Variants in PCNX2 observed in about 807,000 individuals in gnomAD.
The protein encoded by PCNX2 is pecanex-like protein 2.
Under a neutral mutation model 223.8 loss-of-function variants are expected in PCNX2, and 168 were observed. That is an observed-to-expected ratio of 0.75 (90% CI 0.66 to 0.85). The LOEUF (loss-of-function observed/expected upper bound fraction) is 0.85, where lower values mean the gene tolerates loss of function less well. PCNX2 is among the 40% of genes least tolerant of loss of function. PCNX2 has a pLI of 0.00. For missense variants in PCNX2, 2,507 were observed against 2,675.5 expected (o/e 0.94, Z 1.39); for synonymous variants, 1,006 against 1,052.6 (o/e 0.96, Z 0.86).
At chr1:233,236,710 G>C (rs41307738) in intron 9 of PCNX2, 135 bp downstream of exon 9, 4 of 1,272,200 alleles carry the variant, frequency 3.1e-6, no homozygotes, top group Non-Finnish European at 4.4e-6. Context: ...GCCTTGCAGT[G>C]ATATATCAAC....
chr1:233,320,478 T>C, the PCNX2 span, among the ~76,000 whole-genome samples: 3 of 152,176 alleles, frequency 2.0e-5, no homozygotes, highest in Non-Finnish European at 4.4e-5. Context: ...GCTACTGTTT[T>C]TATACTTGTT....
At chr1:233,042,636 T>G (rs1440452372) in intron 25 of PCNX2, among the ~76,000 whole-genome samples, 1 of 152,176 alleles carries the variant, frequency 6.6e-6, no homozygotes, top group Non-Finnish European at 1.5e-5. Flanking sequence ...GGAATTCTTT[T>G]TTATCCCATG....
At chr1:233,123,443 A>G (rs2057630) in intron 21 of PCNX2, among the ~76,000 whole-genome samples, 22,782 of 151,980 alleles carry the variant, frequency 0.15, 1,875 homozygotes, top group East Asian at 0.24. Context: ...TTAGCCAGGC[A>G]TGGTGGTGGG....
At chr1:233,267,000 T>C (rs988066978) in intron 1 of PCNX2, among the ~76,000 whole-genome samples, 1 of 138,222 alleles carries the variant, frequency 7.2e-6, no homozygotes, top group Non-Finnish European at 1.6e-5. Flanking sequence ...CAGTCACTAC[T>C]CTGTTTTTTT....
chr1:233,119,403 CAAAAAAAAAAAAAA>C (rs71173251), intron 21 of PCNX2, among the ~76,000 whole-genome samples: 79 of 38,646 alleles, frequency 2.0e-3, no homozygotes, highest in South Asian at 0.017. Context: ...ACTAAAAATA[CAAAAAAAAAAAAAA>C]AAAAAAAAAA....
chr1:233,064,150 G>A (rs1672504313), intron 23 of PCNX2, among the ~76,000 whole-genome samples: 1 of 151,584 alleles, frequency 6.6e-6, no homozygotes, highest in Non-Finnish European at 1.5e-5. Context: ...CTTTTGTATT[G>A]CGTAGTACTG....
intron 15 of PCNX2, among the ~76,000 whole-genome samples, chr1:233,183,771 T>C (rs918333221): frequency 1.1e-4 from 16 of 152,072 alleles, no homozygotes; most frequent in Admixed American, 5.2e-4. Context: ...GAGGGGACAA[T>C]GAGCTGCTCA....
At chr1:233,052,237 T>C (rs1394045569) in intron 25 of PCNX2, among the ~76,000 whole-genome samples, 3 of 152,228 alleles carry the variant, frequency 2.0e-5, no homozygotes, top group Non-Finnish European at 2.9e-5. Flanking sequence ...TTCACAAAAC[T>C]AATGCTAGAG....
At position 232,991,739 on chromosome 1, in the gene PCNX2, G is replaced by A. The variant is rs909446921; in HGVS notation, c.5792-5199C>T. On this transcript the variant is annotated intron_variant, in intron 32 of 33. Coordinates refer to ENST00000258229, the MANE Select transcript of PCNX2 (RefSeq NM_014801.4). This position sits in a 1 kb window ranked among gnomAD's most constrained non-coding sequence, Gnocchi z 4.3. ...AGGCCGGGGGATGCCTAAGATGGCC[G>A]GTGAACCACCACAAGCTAGGGAAGG... 1.5e-4 allele frequency among the ~76,000 whole-genome samples: 23 copies of A among 152,032 alleles called. No homozygotes were observed. The highest frequency in any genetic ancestry group is 4.8e-5 in the African/African-American group (2 of 41,376).
chr1:233,244,352 C>CA (rs1439282827), intron 8 of PCNX2, among the ~76,000 whole-genome samples: 1 of 152,152 alleles, frequency 6.6e-6, no homozygotes. Context: ...TTCTCAGTGT[C>CA]AGATTTTCCT....
At chr1:233,273,525 G>A (rs1441920303) in intron 1 of PCNX2, among the ~76,000 whole-genome samples, 1 of 152,052 alleles carries the variant, frequency 6.6e-6, no homozygotes, top group Admixed American at 6.5e-5. Context: ...AACTGCAAAT[G>A]TGTTTAGTTT....
intron 32 of PCNX2, among the ~76,000 whole-genome samples, chr1:232,986,783 G>T (rs892471106): frequency 9.2e-5 from 14 of 152,194 alleles, no homozygotes; most frequent in South Asian, 2.1e-4. Flanking sequence ...GGGGTTGGGG[G>T]TACAGTGTGA....
At chr1:233,292,980 T>G (rs1216182314) in intron 1 of PCNX2, among the ~76,000 whole-genome samples, 1 of 152,208 alleles carries the variant, frequency 6.6e-6, no homozygotes, top group Non-Finnish European at 1.5e-5. Context: ...TCTCAGACTT[T>G]ACTTTCTAAA....
intron 24 of PCNX2, among the ~76,000 whole-genome samples, chr1:233,056,892 C>T (rs1372599545): frequency 1.3e-5 from 2 of 152,142 alleles, no homozygotes; most frequent in Admixed American, 6.5e-5. Flanking sequence ...TATTATCATG[C>T]TGATGTTTTT....
At chr1:233,182,632 G>A (rs1469285871) in intron 15 of PCNX2, among the ~76,000 whole-genome samples, 1 of 152,096 alleles carries the variant, frequency 6.6e-6, no homozygotes, top group East Asian at 1.9e-4. Flanking sequence ...TCACATTTAG[G>A]ATATACACAG....
intron 5 of PCNX2, among the ~76,000 whole-genome samples, 159 bp downstream of exon 5, chr1:233,257,869 T>C (rs1233712419): frequency 6.6e-6 from 1 of 152,204 alleles, no homozygotes; most frequent in Non-Finnish European, 1.5e-5. Context: ...CAGAGCTTAG[T>C]ATCGGTACAT....
the PCNX2 span, among the ~76,000 whole-genome samples, chr1:233,301,812 T>C: frequency 2.3e-4 from 34 of 151,010 alleles, no homozygotes; most frequent in African/African-American, 7.8e-4. Context: ...TTTTTTTTTT[T>C]CCAGAGTCTT....
chr1:233,227,097 G>T (rs1657780263), intron 10 of PCNX2, 129 bp downstream of exon 10: 14 of 1,108,350 alleles, frequency 1.3e-5, no homozygotes, highest in South Asian at 2.9e-5. Context: ...TTAACTTTGG[G>T]TTGTCAGCAA....
chr1:233,131,545 T>C (rs1676508819), intron 21 of PCNX2, among the ~76,000 whole-genome samples: 1 of 152,198 alleles, frequency 6.6e-6, no homozygotes, highest in Non-Finnish European at 1.5e-5. Context: ...AACACTCTCT[T>C]TCTTTCACTA....
Sources: gnomAD v4.1 joint callset for allele counts (sites outside exome capture counted in the v4.1 genomes callset) on GRCh38, gnomAD v4.1.1 for gene constraint, Gnocchi (gnomAD v3.1) non-coding constraint, MANE v1.5 for transcripts, NCBI Gene and HGNC (gene_info 2026-07-23, HGNC 2026-07-21) for gene names.